The following ZNF385B variants were observed in gnomAD, a reference collection of about 807,000 sequenced individuals.
ZNF385B encodes zinc finger protein 385B.
In ZNF385B, 23 loss-of-function variants were observed where a neutral mutation model predicts 39.2. That is an observed-to-expected ratio of 0.59 (90% CI 0.42 to 0.83). The LOEUF is 0.83. Ranked by LOEUF, ZNF385B falls within the 40% of genes least tolerant of loss-of-function variation. ZNF385B has a pLI of 0.00. For missense variants in ZNF385B, 552 were observed against 598.9 expected (o/e 0.92, Z 0.82); for synonymous variants, 205 against 222.6 (o/e 0.92, Z 0.70).
intron 3 of ZNF385B, among the ~76,000 whole-genome samples, chr2:179,754,825 CTTCT>C (rs763395440): frequency 1.5e-3 from 223 of 152,094 alleles, no homozygotes; most frequent in Non-Finnish European, 2.3e-3. Context: ...TCTCTCTTTT[CTTCT>C]TTATTAGTCT....
intron 4 of ZNF385B, among the ~76,000 whole-genome samples, chr2:179,527,417 T>G (rs6710463): frequency 0.81 from 123,587 of 151,938 alleles, 50,757 homozygotes; most frequent in East Asian, 0.92. Flanking sequence ...CCAAACAATA[T>G]TTGTATATTC....
chr2:179,458,006 GGAATATTAGACTAA>G (rs2050889205), intron 6 of ZNF385B, among the ~76,000 whole-genome samples: 1 of 152,198 alleles, frequency 6.6e-6, no homozygotes, highest in South Asian at 2.1e-4. Context: ...TCTGTTTTAA[GGAATATTAGACTAA>G]GAATGCTTAG....
chr2:179,833,291 T>C (rs1307575583), intron 1 of ZNF385B, among the ~76,000 whole-genome samples: 1 of 152,160 alleles, frequency 6.6e-6, no homozygotes, highest in Non-Finnish European at 1.5e-5. Flanking sequence ...AAAATGTTCT[T>C]TTAAGTTTTC....
At chr2:179,839,704 G>C (rs1030768498) in intron 1 of ZNF385B, among the ~76,000 whole-genome samples, 1 of 152,150 alleles carries the variant, frequency 6.6e-6, no homozygotes, top group Non-Finnish European at 1.5e-5. Flanking sequence ...TCAGAGTGTA[G>C]AGGAGCCACA....
intron 3 of ZNF385B, among the ~76,000 whole-genome samples, chr2:179,705,642 A>C (rs1176110752): frequency 6.6e-6 from 1 of 152,146 alleles, no homozygotes; most frequent in Non-Finnish European, 1.5e-5. Context: ...TCCCTTAGAC[A>C]TTATGTATGT....
chr2:179,803,603 G>T (rs1312075786), intron 1 of ZNF385B, among the ~76,000 whole-genome samples: 1 of 152,102 alleles, frequency 6.6e-6, no homozygotes, highest in East Asian at 1.9e-4. Flanking sequence ...ATGATATTTT[G>T]CACATTATCA....
intron 3 of ZNF385B, among the ~76,000 whole-genome samples, chr2:179,698,358 A>T (rs1698926416): frequency 6.6e-6 from 1 of 152,226 alleles, no homozygotes; most frequent in African/African-American, 2.4e-5. Flanking sequence ...CAAAGGTTTT[A>T]AATTGGGTTT....
chr2:179,763,042 A>G (rs1415042877), intron 3 of ZNF385B, among the ~76,000 whole-genome samples: 1 of 152,114 alleles, frequency 6.6e-6, no homozygotes, highest in Non-Finnish European at 1.5e-5. Context: ...ATAGCTGGGA[A>G]TCCAGGCACT....
At chr2:179,544,999 A>G (rs908555513) in intron 3 of ZNF385B, 30 bp from the exon 4 acceptor site, 1 of 1,613,172 alleles carries the variant, frequency 6.2e-7, no homozygotes, top group Non-Finnish European at 8.5e-7. Context: ...AATGAATTCA[A>G]TTTCTTGCTC....
chr2:179,595,366 G>T (rs1169575913), intron 3 of ZNF385B, among the ~76,000 whole-genome samples: 1 of 152,044 alleles, frequency 6.6e-6, no homozygotes, highest in East Asian at 1.9e-4. Context: ...GTTTCTTCCT[G>T]TAAAGCTTAA....
At chr2:179,794,763 A>C (rs1042763762) in intron 1 of ZNF385B, among the ~76,000 whole-genome samples, 3 of 152,146 alleles carry the variant, frequency 2.0e-5, no homozygotes, top group African/African-American at 7.2e-5. Flanking sequence ...TAGAGGAAAG[A>C]GGGATCAATG....
intron 3 of ZNF385B, among the ~76,000 whole-genome samples, chr2:179,587,695 T>TAA (rs1687198414): frequency 7.7e-6 from 1 of 129,584 alleles, no homozygotes; most frequent in Admixed American, 7.8e-5. Context: ...AAGCTCTAAG[T>TAA]AAAAGGTTTA....
chr2:179,455,418 T>C (rs930419716), intron 6 of ZNF385B, among the ~76,000 whole-genome samples: 3 of 152,026 alleles, frequency 2.0e-5, no homozygotes, highest in African/African-American at 4.8e-5. Flanking sequence ...TGTGAGTGAG[T>C]TCTCATGAGA....
intron 4 of ZNF385B, among the ~76,000 whole-genome samples, chr2:179,525,197 T>C (rs1393165186): frequency 6.6e-6 from 1 of 151,982 alleles, no homozygotes; most frequent in Non-Finnish European, 1.5e-5. Context: ...TGCTAAAGGG[T>C]ATGGGTTTGG....
chr2:179,758,965 T>C (rs938529624), intron 3 of ZNF385B, among the ~76,000 whole-genome samples: 1 of 152,224 alleles, frequency 6.6e-6, no homozygotes. Context: ...TTCTCTTGTG[T>C]TTCCTTCTAT....
At chr2:179,537,774 A>C (rs1355600142) in intron 4 of ZNF385B, among the ~76,000 whole-genome samples, 1 of 147,922 alleles carries the variant, frequency 6.8e-6, no homozygotes, top group Non-Finnish European at 1.5e-5. Flanking sequence ...AACAAAAAAA[A>C]AAATTAATAG....
intron 1 of ZNF385B, among the ~76,000 whole-genome samples, chr2:179,802,226 A>T (rs1706078064): frequency 6.6e-6 from 1 of 152,114 alleles, no homozygotes; most frequent in Non-Finnish European, 1.5e-5. Context: ...TCTTTAAAAT[A>T]GACAGCCCTC....
intron 3 of ZNF385B, among the ~76,000 whole-genome samples, chr2:179,728,447 C>G (rs1037760773): frequency 1.3e-5 from 2 of 152,066 alleles, no homozygotes; most frequent in Non-Finnish European, 2.9e-5. Context: ...ATTGGTAGCT[C>G]AAGATGAGAA....
At chr2:179,681,306 C>T (rs1017775377) in intron 3 of ZNF385B, among the ~76,000 whole-genome samples, 36 of 152,034 alleles carry the variant, frequency 2.4e-4, no homozygotes, top group African/African-American at 8.7e-4. Context: ...ATTTCAGTTA[C>T]AGGTAGGATT....
Sources: gnomAD v4.1 joint callset for allele counts (sites outside exome capture counted in the v4.1 genomes callset) on GRCh38, gnomAD v4.1.1 for gene constraint, MANE v1.5 for transcripts, NCBI Gene and HGNC (gene_info 2026-07-23, HGNC 2026-07-21) for gene names.